The following LRP1B variants were observed in gnomAD, a reference collection of about 807,000 sequenced individuals.
LRP1B encodes the protein LDL receptor related protein 1B.
LRP1B carries 217 observed loss-of-function variants against 556.6 expected under a neutral mutation model. The observed-to-expected ratio is 0.39, with a 90% CI of 0.35 to 0.44. The LOEUF is 0.44. Ranked by LOEUF, LRP1B falls within the 20% of genes least tolerant of loss-of-function variation. The pLI is 1.00. For synonymous variants in LRP1B, 2,047 were observed against 1,865.8 expected, an observed-to-expected ratio of 1.10 and a Z score of -2.50; for missense variants, 5,053 against 5,620.8, an observed-to-expected ratio of 0.90 and a Z score of 3.23.
intron 1 of LRP1B, among the ~76,000 whole-genome samples, chr2:142,063,126 G>A (rs1214691019): frequency 1.3e-5 from 2 of 148,760 alleles, no homozygotes; most frequent in Non-Finnish European, 3.0e-5. Context: ...TCCATTTATT[G>A]AGAGTTTATT....
At chr2:141,367,356 A>G (rs950669589) in intron 3 of LRP1B, among the ~76,000 whole-genome samples, 1 of 152,112 alleles carries the variant, frequency 6.6e-6, no homozygotes, top group African/African-American at 2.4e-5. Flanking sequence ...TTAGACACAG[A>G]AAGTTCCCAT....
intron 52 of LRP1B, among the ~76,000 whole-genome samples, chr2:140,507,603 A>C (rs1450248162): frequency 6.6e-6 from 1 of 152,200 alleles, no homozygotes; most frequent in Non-Finnish European, 1.5e-5. Flanking sequence ...AGTGATCAAA[A>C]TTTCAGCAAA....
intron 3 of LRP1B, among the ~76,000 whole-genome samples, chr2:141,467,845 G>GGAGGGGC (rs1553518607): frequency 2.4e-5 from 3 of 127,364 alleles, no homozygotes; most frequent in African/African-American, 8.4e-5. Context: ...GGACCGGGGG[G>GGAGGGGC]GGGGGAATTC....
At chr2:140,401,642 C>T (rs1388821350) in intron 66 of LRP1B, among the ~76,000 whole-genome samples, 2 of 152,134 alleles carry the variant, frequency 1.3e-5, no homozygotes, top group Non-Finnish European at 2.9e-5. Flanking sequence ...CTGCCTATCA[C>T]CTGAGAAATG....
At chr2:141,415,956 T>C (rs1011243881) in intron 3 of LRP1B, among the ~76,000 whole-genome samples, 4 of 152,194 alleles carry the variant, frequency 2.6e-5, no homozygotes, top group African/African-American at 9.7e-5. Flanking sequence ...TCCTTAAGAA[T>C]ACATAAAAAG....
intron 87 of LRP1B, among the ~76,000 whole-genome samples, chr2:140,246,538 T>G (rs1180277236): frequency 6.6e-6 from 1 of 150,538 alleles, no homozygotes; most frequent in Non-Finnish European, 1.5e-5. Context: ...AAAAAAAATT[T>G]GCAAAAATGT....
At chr2:141,726,223 C>A (rs1693026249) in intron 2 of LRP1B, among the ~76,000 whole-genome samples, 1 of 148,650 alleles carries the variant, frequency 6.7e-6, no homozygotes, top group African/African-American at 2.5e-5. Context: ...TAGTACAATC[C>A]CATCATCATA....
chr2:140,340,690 C>A (rs1681345848), intron 77 of LRP1B, among the ~76,000 whole-genome samples: 1 of 151,264 alleles, frequency 6.6e-6, no homozygotes, highest in South Asian at 2.1e-4. Flanking sequence ...TAGATTCTAA[C>A]TTTTAAAATT....
At chr2:140,756,184 A>G (rs1688736216) in intron 35 of LRP1B, among the ~76,000 whole-genome samples, 1 of 152,064 alleles carries the variant, frequency 6.6e-6, no homozygotes, top group Non-Finnish European at 1.5e-5. Flanking sequence ...AAATTTTAAA[A>G]GACTCAAATA....
At chr2:141,913,464 G>C (rs2104957067) in intron 1 of LRP1B, among the ~76,000 whole-genome samples, 1 of 152,242 alleles carries the variant, frequency 6.6e-6, no homozygotes, top group Admixed American at 6.5e-5. Context: ...TGGTGAGTTT[G>C]GGCCAGCACA....
At chr2:142,114,196 C>T (rs72996320) in intron 1 of LRP1B, among the ~76,000 whole-genome samples, 2,891 of 152,182 alleles carry the variant, frequency 0.019, 72 homozygotes, top group East Asian at 0.063. Context: ...ATACCTAACA[C>T]AGATTTCCCT....
chr2:141,524,498 G>C (rs1404297183), intron 2 of LRP1B, among the ~76,000 whole-genome samples: 1 of 152,020 alleles, frequency 6.6e-6, no homozygotes, highest in Non-Finnish European at 1.5e-5. Context: ...ATGCGGCCCA[G>C]GACAGCTCTT....
chr2:141,291,855 C>CAAAAAA lies in LRP1B; in HGVS notation c.344-37220_344-37215dup, dbSNP rs143819331. Among the ~76,000 whole-genome samples, 135 of 99,274 alleles carry CAAAAAA rather than the reference C, an allele frequency of 1.4e-3. 8 individuals carry two copies. Among genetic ancestry groups the CAAAAAA allele is most frequent in the Non-Finnish European group, 1.7e-3 (87 of 51,386 alleles). 65.1% of individuals were successfully genotyped at this position (99,274 alleles called of 152,430 possible). On this transcript the variant is annotated intron_variant, in intron 3 of 90. Transcript: ENST00000389484. ...TGGGCGAAAGAGCGAGACTCTGTCT[C>CAAAAAA]AAAAAAAAAAAAAAAAAAAAAAAAA...
chr2:140,626,548 C>T (rs578140590), intron 41 of LRP1B, among the ~76,000 whole-genome samples: 16 of 151,696 alleles, frequency 1.1e-4, no homozygotes, highest in African/African-American at 3.9e-4. Flanking sequence ...AATCTAGTAA[C>T]AATAAATAAA....
chr2:141,068,768 C>T (rs759386657), intron 7 of LRP1B, among the ~76,000 whole-genome samples: 2 of 151,824 alleles, frequency 1.3e-5, no homozygotes, highest in African/African-American at 4.8e-5. Context: ...AAAACCTTAC[C>T]GAGGACTTCC....
chr2:140,284,882 A>G (rs1266574522), intron 84 of LRP1B, among the ~76,000 whole-genome samples: 1 of 95,616 alleles, frequency 1.0e-5, no homozygotes, highest in African/African-American at 4.8e-5. Context: ...ATATCTATCT[A>G]TATCTATATA....
intron 2 of LRP1B, among the ~76,000 whole-genome samples, chr2:141,720,521 G>A (rs1692773599): frequency 6.6e-6 from 1 of 152,030 alleles, no homozygotes; most frequent in Non-Finnish European, 1.5e-5. Context: ...TACAGCTTCA[G>A]GAAGTATTTC....
At chr2:140,596,325 C>T (rs1682438395) in intron 43 of LRP1B, among the ~76,000 whole-genome samples, 1 of 152,148 alleles carries the variant, frequency 6.6e-6, no homozygotes, top group Admixed American at 6.5e-5. Flanking sequence ...TACGCAGAAG[C>T]TCTATGTCTC....
intron 7 of LRP1B, among the ~76,000 whole-genome samples, chr2:141,183,042 C>T (rs1020114163): frequency 2.0e-5 from 3 of 151,906 alleles, no homozygotes; most frequent in Non-Finnish European, 4.4e-5. Flanking sequence ...CCCCCTACAG[C>T]TTTAGAACCG....
Sources: gnomAD v4.1 joint callset for allele counts (sites outside exome capture counted in the v4.1 genomes callset) on GRCh38, gnomAD v4.1.1 for gene constraint, MANE v1.5 for transcripts, NCBI Gene and HGNC (gene_info 2026-07-23, HGNC 2026-07-21) for gene names.